ANO3: variants seen among roughly 807,000 people sequenced by gnomAD.
The protein encoded by ANO3 is anoctamin-3.
Under a neutral mutation model 144.8 loss-of-function variants are expected in ANO3, and 99 were observed. The observed-to-expected ratio is 0.68, with a 90% CI of 0.58 to 0.81. ANO3 has a LOEUF of 0.81. Among genes scored for constraint, ANO3 ranks in the 30% least tolerant of loss-of-function variants. The pLI is 0.00. For synonymous variants in ANO3, 414 were observed against 392.6 expected, an observed-to-expected ratio of 1.05 and a Z score of -0.64; for missense variants, 905 against 1,202.2, an observed-to-expected ratio of 0.75 and a Z score of 3.66.
intron 4 of ANO3, among the ~76,000 whole-genome samples, chr11:26,484,669 C>A (rs1860371302): frequency 6.6e-6 from 1 of 152,152 alleles, no homozygotes; most frequent in Non-Finnish European, 1.5e-5. Context: ...GATCCACTGT[C>A]CCATAGACCC....
At chr11:26,246,479 T>C (rs1422390861) in intron 1 of ANO3, among the ~76,000 whole-genome samples, 1 of 147,612 alleles carries the variant, frequency 6.8e-6, no homozygotes, top group Non-Finnish European at 1.5e-5. Context: ...TATATATATA[T>C]ATTATGAGTA....
At chr11:26,435,983 G>A (rs1014957472) in intron 1 of ANO3, among the ~76,000 whole-genome samples, 2 of 152,194 alleles carry the variant, frequency 1.3e-5, no homozygotes, top group South Asian at 4.1e-4. Context: ...AGTTGCTAGA[G>A]TTCTTGCATT....
intron 11 of ANO3, among the ~76,000 whole-genome samples, chr11:26,544,815 T>C (rs1322715960): frequency 6.6e-6 from 1 of 151,956 alleles, no homozygotes; most frequent in Non-Finnish European, 1.5e-5. Context: ...TTTCAGTAAA[T>C]AGGTTTATTC....
chr11:26,329,295 TAC>T (rs201501181), upstream of ANO3, among the ~76,000 whole-genome samples: 1,947 of 144,868 alleles, frequency 0.013, 135 homozygotes, highest in East Asian at 0.23. Flanking sequence ...TTTCTTTCTT[TAC>T]ACACACACAC....
At chr11:26,446,963 G>A (rs549946470) in intron 3 of ANO3, among the ~76,000 whole-genome samples, 16 of 152,160 alleles carry the variant, frequency 1.1e-4, no homozygotes, top group Non-Finnish European at 2.1e-4. Context: ...TAATACCAGC[G>A]CTTTGGGAGG....
At chr11:26,378,036 C>CT (rs1856462559) in intron 1 of ANO3, among the ~76,000 whole-genome samples, 1 of 151,652 alleles carries the variant, frequency 6.6e-6, no homozygotes, top group Non-Finnish European at 1.5e-5. Context: ...AATTTGAGGA[C>CT]AGTATAAAGC....
rs1168180646 is a variant in ANO3, at chr11:26,230,797, C to CAAA, written c.154+41506_154+41508dup. ...GGGTGACAGAGCATGACTCCATCTCCAAAAAAAAAAAAAAAAAAAAAAAAA... is the reference window on the plus strand; with the variant it reads ...GGGTGACAGAGCATGACTCCATCTCCAAAAAAAAAAAAAAAAAAAAAAAAAAAA... On this transcript the variant is annotated intron_variant, in intron 1 of 27. Coordinates refer to the ANO3 transcript ENST00000672621. Among the ~76,000 whole-genome samples, 46 of 11,306 alleles carry CAAA rather than the reference C, an allele frequency of 4.1e-3. 5 individuals are homozygous for CAAA. Among genetic ancestry groups the CAAA allele is most frequent in the South Asian group, 7.0e-3 (1 of 142 alleles). The allele number at this position is 11,306 out of a possible 152,430, so 7.4% of individuals were successfully genotyped here. A position where few individuals can be genotyped will look rare whatever the true frequency, so the allele number is the denominator to read the frequency against.
chr11:26,333,978 C>T (rs1855129381), intron 1 of ANO3, among the ~76,000 whole-genome samples: 1 of 152,190 alleles, frequency 6.6e-6, no homozygotes, highest in African/African-American at 2.4e-5. Context: ...CTATGGGTGA[C>T]TCATTTCTGG....
chr11:26,289,268 GCT>G (rs1340815997), intron 1 of ANO3, among the ~76,000 whole-genome samples: 3 of 151,712 alleles, frequency 2.0e-5, no homozygotes, highest in African/African-American at 7.3e-5. Flanking sequence ...CCAGACATTT[GCT>G]CTGTTTTATT....
At chr11:26,625,774 T>C (rs929363598) in intron 18 of ANO3, among the ~76,000 whole-genome samples, 14 of 152,192 alleles carry the variant, frequency 9.2e-5, no homozygotes, top group African/African-American at 2.9e-4. Context: ...TCTAGGCCTG[T>C]AGCCAACTGC....
chr11:26,334,804 G>C (rs940300269), intron 1 of ANO3, among the ~76,000 whole-genome samples: 2 of 152,146 alleles, frequency 1.3e-5, no homozygotes, highest in African/African-American at 2.4e-5. Flanking sequence ...TTATTCAAGT[G>C]AGCTCAATGT....
chr11:26,198,245 T>TCAGGAAATGAATTAAATTCATATC (rs1289820506), intron 1 of ANO3, among the ~76,000 whole-genome samples: 10 of 152,200 alleles, frequency 6.6e-5, no homozygotes, highest in African/African-American at 2.2e-4. Flanking sequence ...AAATTCATAT[T>TCAGGAAATGAATTAAATTCATATC]CAGGAAATGA....
chr11:26,519,388 C>T (rs1861980968), intron 6 of ANO3, among the ~76,000 whole-genome samples: 1 of 152,198 alleles, frequency 6.6e-6, no homozygotes, highest in Non-Finnish European at 1.5e-5. Flanking sequence ...TTAGATCTGG[C>T]ACAGCCACCT....
intron 1 of ANO3, among the ~76,000 whole-genome samples, chr11:26,427,684 C>G (rs997793287): frequency 1.1e-4 from 16 of 152,006 alleles, no homozygotes; most frequent in Non-Finnish European, 1.9e-4. Flanking sequence ...ACTAGTAATA[C>G]TAGTTGTATT....
At chr11:26,408,126 G>T (rs1041055780) in intron 1 of ANO3, among the ~76,000 whole-genome samples, 2 of 151,890 alleles carry the variant, frequency 1.3e-5, no homozygotes, top group Non-Finnish European at 2.9e-5. Flanking sequence ...TGACAAATGG[G>T]ATCTAATTAA....
At chr11:26,350,548 T>A (rs1314135845) in intron 1 of ANO3, among the ~76,000 whole-genome samples, 1 of 152,184 alleles carries the variant, frequency 6.6e-6, no homozygotes, top group Non-Finnish European at 1.5e-5. Context: ...TTTAATCTAT[T>A]TAATCTATTT....
intron 1 of ANO3, among the ~76,000 whole-genome samples, chr11:26,323,485 G>A (rs1373372871): frequency 6.6e-6 from 1 of 152,034 alleles, no homozygotes; most frequent in African/African-American, 2.4e-5. Context: ...TAAATTGCTT[G>A]GGGTTTTGAA....
intron 1 of ANO3, among the ~76,000 whole-genome samples, chr11:26,252,920 A>G (rs534672836): frequency 1.3e-5 from 2 of 152,306 alleles, no homozygotes; most frequent in South Asian, 2.1e-4. Context: ...CACTAACTCT[A>G]AAAGAAACAC....
rs1855311749 is a variant in ANO3 at position 26,339,994 on chromosome 11, C to G, written c.46+7673C>G. 2.0e-5 allele frequency among the ~76,000 whole-genome samples: 3 copies of G among 152,264 alleles called. No individual in the cohort carries two copies. The South Asian group carries it at 6.2e-4, about 32-fold the overall frequency. On this transcript the variant is annotated intron_variant, in intron 1 of 26. Coordinates refer to ENST00000256737, the MANE Select transcript of ANO3 (RefSeq NM_031418.4). ...TCCCATATTCACCTCCTCACTATAA[C>G]CAAGATGCGGTTGGCCTGCTGAGGA...
Sources: gnomAD v4.1 joint callset for allele counts (sites outside exome capture counted in the v4.1 genomes callset) on GRCh38, gnomAD v4.1.1 for gene constraint, MANE v1.5 for transcripts, NCBI Gene and HGNC (gene_info 2026-07-23, HGNC 2026-07-21) for gene names.